Variants in METAP1 observed in about 807,000 individuals in gnomAD.
METAP1 encodes the protein methionyl aminopeptidase 1, also known as methionine aminopeptidase 1.
In METAP1, 28 loss-of-function variants were observed where a neutral mutation model predicts 53.8. That is an observed-to-expected ratio of 0.52 (90% CI 0.39 to 0.71). The LOEUF (loss-of-function observed/expected upper bound fraction) is 0.71, where lower values mean the gene tolerates loss of function less well. Among genes scored for constraint, METAP1 ranks in the 30% least tolerant of loss-of-function variants. The pLI is 0.00. For missense variants in METAP1, 389 were observed against 479.8 expected (o/e 0.81, Z 1.77); for synonymous variants, 181 against 165.7 (o/e 1.09, Z -0.71).
At chr4:99,039,587 T>A in intron 5 of METAP1, 122 bp downstream of exon 5, 1 of 336,552 alleles carries the variant, frequency 3.0e-6, no homozygotes, top group Non-Finnish European at 5.3e-6. Context: ...CAGCCATGCT[T>A]TTTTTTTTTT....
intron 1 of METAP1, among the ~76,000 whole-genome samples, chr4:99,014,376 A>G (rs906553492): frequency 6.6e-6 from 1 of 152,200 alleles, no homozygotes; most frequent in African/African-American, 2.4e-5. Context: ...TCATATCAAG[A>G]GTGATTCTGT....
At chr4:99,057,585 A>T (rs1309916626) in intron 9 of METAP1, among the ~76,000 whole-genome samples, 168 bp from the exon 10 acceptor site, 1 of 152,250 alleles carries the variant, frequency 6.6e-6, no homozygotes, top group Non-Finnish European at 1.5e-5. Flanking sequence ...GCACCATATT[A>T]GATGGCTGCC....
rs566741686 is a variant in METAP1, at chr4:99,028,779, A to G, written c.115-88A>G. Reference sequence around the variant, plus strand: ...AGGTCTTGGTTTTTGCAAATAGTTTACAATAACTCTTGCTTATATACAATA... The same window carrying G: ...AGGTCTTGGTTTTTGCAAATAGTTTGCAATAACTCTTGCTTATATACAATA... On this transcript the variant is annotated intron_variant, in intron 1 of 10. Coordinates refer to ENST00000296411, the MANE Select transcript of METAP1 (RefSeq NM_015143.3). 3.3e-5 allele frequency: 32 copies of G among 959,346 alleles called. No homozygotes were observed. In the East Asian group the frequency reaches 9.0e-4, roughly 27 times the overall value. 59.4% of individuals were successfully genotyped at this position (959,346 alleles called of 1,614,324 possible).
At chr4:99,025,587 C>G (rs751808107) in intron 1 of METAP1, 2 of 656,458 alleles carry the variant, frequency 3.0e-6, no homozygotes, top group Non-Finnish European at 1.9e-6. Context: ...CCACACTATC[C>G]CATTTTAGCT....
At chr4:98,995,982 C>T (rs983288401) in intron 1 of METAP1, 115 bp downstream of exon 1, 12 of 830,578 alleles carry the variant, frequency 1.4e-5, no homozygotes, top group South Asian at 1.5e-5. Context: ...CTCTTCCCCC[C>T]GGCCGCGTTT....
At chr4:99,045,562 G>C (rs1459323324) in intron 8 of METAP1, among the ~76,000 whole-genome samples, 1 of 152,194 alleles carries the variant, frequency 6.6e-6, no homozygotes, top group Non-Finnish European at 1.5e-5. Flanking sequence ...GATAAATGAA[G>C]AGGACTGTGC....
At chr4:99,014,404 C>G (rs560123634) in intron 1 of METAP1, among the ~76,000 whole-genome samples, 1 of 152,190 alleles carries the variant, frequency 6.6e-6, no homozygotes, top group South Asian at 2.1e-4. Flanking sequence ...TGTCATTTGG[C>G]TAGTAGATCT....
At chr4:99,004,694 C>T (rs1480664025) in intron 1 of METAP1, among the ~76,000 whole-genome samples, 1 of 152,096 alleles carries the variant, frequency 6.6e-6, no homozygotes, top group Non-Finnish European at 1.5e-5. Flanking sequence ...GTTTATCATT[C>T]ATTTGCATTT....
At chr4:99,007,998 A>G (rs575324950) in intron 1 of METAP1, among the ~76,000 whole-genome samples, 1 of 152,344 alleles carries the variant, frequency 6.6e-6, no homozygotes, top group South Asian at 2.1e-4. Flanking sequence ...AGGGGTAGTG[A>G]CATCTTCAAG....
chr4:99,007,834 A>G (rs1160969785), intron 1 of METAP1, among the ~76,000 whole-genome samples: 5 of 152,206 alleles, frequency 3.3e-5, no homozygotes, highest in South Asian at 2.1e-4. Flanking sequence ...GCTCTCTGGC[A>G]TATGATAAAA....
At chr4:99,019,974 C>A (rs2110302966) in intron 1 of METAP1, among the ~76,000 whole-genome samples, 1 of 152,170 alleles carries the variant, frequency 6.6e-6, no homozygotes, top group South Asian at 2.1e-4. Context: ...CTCCTTGATA[C>A]CTTTTATAAT....
intron 5 of METAP1, among the ~76,000 whole-genome samples, chr4:99,040,387 A>G (rs1725768840): frequency 1.3e-5 from 2 of 152,268 alleles, no homozygotes; most frequent in Non-Finnish European, 1.5e-5. Context: ...GTGCTTTAAA[A>G]GTGATTTGAT....
In METAP1 at chr4:99,041,106, A is replaced by G. The variant is rs371606715; in HGVS notation, c.496A>G (p.Ile166Val). 69 of 1,606,910 alleles carry G rather than the reference A, an allele frequency of 4.3e-5. No homozygotes were observed. Among genetic ancestry groups the G allele is most frequent in the Non-Finnish European group, 5.7e-5 (67 of 1,175,440 alleles). Residue 166 changes from isoleucine to valine, a missense_variant, in exon 6 of 11, where the codon ATA becomes GTA. Physicochemically the swap from Ile to Val is conservative, Grantham distance 29. Coordinates refer to ENST00000296411, the MANE Select transcript of METAP1 (RefSeq NM_015143.3). ...MIKPGVTTEEIDHAVHLACIA... is the reference protein window; with the variant it reads ...MIKPGVTTEEVDHAVHLACIA... ...TAAACCAGGTGTAACTACTGAAGAA[A>G]TAGATCACGCTGTACACTTAGTAAG...
chr4:99,026,722 G>T, intron 1 of METAP1: 3 of 985,406 alleles, frequency 3.0e-6, no homozygotes, highest in Non-Finnish European at 3.6e-6. Context: ...GAGTGAAGTT[G>T]TGGTTTAGAG....
chr4:99,008,479 T>A (rs920104278), intron 1 of METAP1, among the ~76,000 whole-genome samples: 3 of 152,184 alleles, frequency 2.0e-5, no homozygotes, highest in Non-Finnish European at 2.9e-5. Flanking sequence ...GTGTGTTAGG[T>A]GAAAACTATC....
chr4:99,048,026 T>G (rs904763412), intron 8 of METAP1, among the ~76,000 whole-genome samples: 3 of 152,206 alleles, frequency 2.0e-5, no homozygotes, highest in African/African-American at 7.2e-5. Context: ...GACAATTCGT[T>G]ACTTTTTGGA....
chr4:99,013,795 G>T (rs1254538275), intron 1 of METAP1, among the ~76,000 whole-genome samples: 1 of 152,220 alleles, frequency 6.6e-6, no homozygotes, highest in Non-Finnish European at 1.5e-5. Context: ...GACTCATTTA[G>T]CCTTATCTCA....
rs1725271542 is a variant in METAP1, at chr4:99,034,252, A to G, written c.189A>G (p.Glu63=). ...CAGAAGATGAAAAGGCGAAGCGAGA[A>G]GTGTCTTCCTGGACTGTGGAAGGTG... ...KKAKDEKAKR[E]VSSWTVEGDI... Residue 63 remains glutamate, a synonymous_variant, in exon 3 of 11, where the codon GAA becomes GAG. Transcript: ENST00000296411. The G allele has an allele frequency of 6.5e-7, 1 of 1,550,030 alleles. No homozygotes were observed. The highest frequency in any genetic ancestry group is 8.7e-7 in the Non-Finnish European group (1 of 1,145,534).
intron 1 of METAP1, among the ~76,000 whole-genome samples, chr4:99,016,992 T>C (rs955769717): frequency 2.6e-5 from 4 of 152,192 alleles, no homozygotes; most frequent in Admixed American, 2.6e-4. Flanking sequence ...CCTTTTAGGC[T>C]GAAGAGAAAA....
Sources: allele counts gnomAD v4.1 joint callset (sites outside exome capture counted in the v4.1 genomes callset), GRCh38; gene constraint gnomAD v4.1.1; transcripts MANE v1.5; gene names NCBI Gene and HGNC (gene_info 2026-07-23, HGNC 2026-07-21).